FRMPD3: variants seen among roughly 807,000 people sequenced by gnomAD.
FRMPD3 encodes the protein FERM and PDZ domain containing 3.
A neutral mutation model predicts 97.9 loss-of-function variants in FRMPD3; 42 were observed. That is an observed-to-expected ratio of 0.43 (90% CI 0.34 to 0.55). The LOEUF (loss-of-function observed/expected upper bound fraction) is 0.55. Among genes scored for constraint, FRMPD3 ranks in the 20% least tolerant of loss-of-function variants. The probability of loss-of-function intolerance (pLI) is 0.03; values close to 1 mark genes in which losing one functional copy is unlikely to be tolerated. For synonymous variants in FRMPD3, 577 were observed against 581.1 expected (o/e 0.99, Z 0.10); for missense variants, 1,303 against 1,457.7 (o/e 0.89, Z 1.73).
At chrX:107,539,712 C>G (rs1921202563) in intron 4 of FRMPD3, among the ~76,000 whole-genome samples, 1 of 111,587 alleles carries the variant, frequency 9.0e-6, no homozygotes, top group African/African-American at 3.3e-5. Flanking sequence ...TGAACTAATT[C>G]ATTACTAATT....
At chrX:107,586,610 AT>A (rs1212849545) in intron 13 of FRMPD3, among the ~76,000 whole-genome samples, 8 of 111,557 alleles carry the variant, frequency 7.2e-5, no homozygotes, top group African/African-American at 2.6e-4. Flanking sequence ...CCCTCTTAAC[AT>A]TGCTTTAGCT....
chrX:107,578,085 T>C (rs772058719), intron 13 of FRMPD3, among the ~76,000 whole-genome samples: 32 of 111,932 alleles, frequency 2.9e-4, no homozygotes, highest in African/African-American at 9.1e-4. Context: ...ACTTCTGCTC[T>C]TCCTCTCTCT....
At chrX:107,591,465 A>G (rs1923900097) in intron 13 of FRMPD3, among the ~76,000 whole-genome samples, 1 of 112,158 alleles carries the variant, frequency 8.9e-6, no homozygotes, top group African/African-American at 3.2e-5. Context: ...CCTAAGTTGT[A>G]TATTTCTAAG....
At chrX:107,537,266 G>T (rs1923281947) in intron 4 of FRMPD3, among the ~76,000 whole-genome samples, 1 of 111,605 alleles carries the variant, frequency 9.0e-6, no homozygotes, top group African/African-American at 3.3e-5. Context: ...AAACAGCTTT[G>T]CCTGACTAAT....
chrX:107,539,866 T>C (rs959778886), intron 4 of FRMPD3, among the ~76,000 whole-genome samples: 56 of 111,028 alleles, frequency 5.0e-4, no homozygotes, highest in African/African-American at 1.7e-3. Flanking sequence ...AGGAGTACTA[T>C]AGGAAATCCA....
chrX:107,580,120 A>G (rs1923316371), intron 13 of FRMPD3, among the ~76,000 whole-genome samples: 1 of 111,916 alleles, frequency 8.9e-6, no homozygotes, highest in Admixed American at 9.5e-5. Context: ...GTATGTTTAT[A>G]TATATAAAAA....
Position 107,535,670 on chromosome X carries a change from C to T in FRMPD3, c.297+2120C>T, listed in dbSNP as rs764871298. 2.4e-4 allele frequency among the ~76,000 whole-genome samples: 20 copies of T among 84,816 alleles called. No individual in the cohort carries two copies. In the East Asian group the frequency reaches 6.6e-3, roughly 28 times the overall value. 73.7% of individuals were successfully genotyped at this position (84,816 alleles called of 115,157 possible). On this transcript the variant is annotated intron_variant, in intron 4 of 14. Coordinates refer to ENST00000683843, the MANE Select transcript of FRMPD3 (RefSeq NM_001388459.1). ...CCTGGGTGACAGAGCGAGACTCCAT[C>T]TCAAAAAAAAAAAAAAAAAAGGCAA... is the stretch of plus-strand genomic sequence containing the variant.
intron 5 of FRMPD3, among the ~76,000 whole-genome samples, chrX:107,547,940 CA>C (rs1921691353): frequency 9.0e-6 from 1 of 111,720 alleles, no homozygotes; most frequent in Non-Finnish European, 1.9e-5. Flanking sequence ...CAAGGCATCT[CA>C]AGATCAGGGA....
chrX:107,453,178 A>G (rs1313058840), intron 1 of FRMPD3, among the ~76,000 whole-genome samples: 1 of 111,488 alleles, frequency 9.0e-6, no homozygotes, highest in Non-Finnish European at 1.9e-5. Context: ...GAATGAAGCC[A>G]TAAGACACAC....
chrX:107,484,569 G>GCGTCAT (rs1209704845), intron 1 of FRMPD3, among the ~76,000 whole-genome samples: 4 of 112,416 alleles, frequency 3.6e-5, no homozygotes, highest in African/African-American at 6.5e-5. Flanking sequence ...CTGACAAGCT[G>GCGTCAT]CGTCATCGCT....
intron 1 of FRMPD3, among the ~76,000 whole-genome samples, chrX:107,499,750 T>C (rs916225742): frequency 8.9e-6 from 1 of 112,305 alleles, no homozygotes; most frequent in African/African-American, 3.2e-5. Flanking sequence ...GTGCTGTTAT[T>C]GTTACTATGC....
chrX:107,595,606 T>C (rs1924128144), intron 13 of FRMPD3, among the ~76,000 whole-genome samples: 1 of 111,451 alleles, frequency 9.0e-6, no homozygotes, highest in Non-Finnish European at 1.9e-5. Context: ...CTCTGTTTCC[T>C]TGTTGATATT....
At chrX:107,460,975 G>A (rs1335387777) in intron 1 of FRMPD3, among the ~76,000 whole-genome samples, 1 of 111,845 alleles carries the variant, frequency 8.9e-6, no homozygotes, top group African/African-American at 3.3e-5. Flanking sequence ...AAAAAGAGGG[G>A]GTTCTTTAAA....
chrX:107,601,639 C>G lies in FRMPD3; in HGVS notation c.3600C>G (p.Thr1200=). The change falls in exon 15 of 15, where the codon ACC becomes ACG. Residue 1200 remains threonine, a synonymous_variant. Coordinates refer to ENST00000683843, the MANE Select transcript of FRMPD3 (RefSeq NM_001388459.1). ...LETTLNGAHS[T]SEGPAKPKSS... ...CAACTCTCAATGGAGCCCACTCGAC[C>G]TCTGAAGGCCCTGCCAAACCCAAGT... 8.3e-7 allele frequency: 1 copy of G among 1,211,221 alleles called. No individual in the cohort carries two copies. The highest frequency in any genetic ancestry group is 1.8e-5 in the South Asian group (1 of 57,010).
chrX:107,521,741 C>A (rs1436452472), intron 1 of FRMPD3, among the ~76,000 whole-genome samples: 3 of 111,986 alleles, frequency 2.7e-5, no homozygotes, highest in Non-Finnish European at 5.6e-5. Context: ...ATTGGCCCCA[C>A]ATGGTTCCAA....
In FRMPD3 at chrX:107,563,158, A is replaced by G. The variant is rs1180734726; in HGVS notation, c.1074A>G (p.Glu358=). 8.3e-7 allele frequency: 1 copy of G among 1,210,026 alleles called. No individual in the cohort carries two copies. The highest frequency in any genetic ancestry group is 1.8e-5 in the South Asian group (1 of 56,960). The change falls in exon 11 of 15, where the codon GAA becomes GAG. Residue 358 remains glutamate, a synonymous_variant. Coordinates refer to ENST00000683843, the MANE Select transcript of FRMPD3 (RefSeq NM_001388459.1). The part of the protein sequence containing the change: ...AKLQYLRILN[E]LPTFTGVLFN... ...TCCAGTATCTACGAATTCTGAATGA[A>G]CTTCCTACCTTCACGGGCGTTTTGT...
intron 14 of FRMPD3, among the ~76,000 whole-genome samples, chrX:107,598,640 T>TG (rs2147650101): frequency 8.9e-6 from 1 of 112,385 alleles, no homozygotes; most frequent in African/African-American, 3.2e-5. Flanking sequence ...AAGTCCTGGT[T>TG]TCTTCAATCA....
intron 1 of FRMPD3, among the ~76,000 whole-genome samples, chrX:107,487,214 G>A (rs577387850): frequency 7.2e-5 from 8 of 111,020 alleles, no homozygotes; most frequent in African/African-American, 1.3e-4. Flanking sequence ...AGATCGCACC[G>A]CTGCACTCCA....
At position 107,598,004 on chromosome X, in the gene FRMPD3, T is replaced by C. The variant is rs777251861; in HGVS notation, c.2125T>C (p.Leu709=). The change falls in exon 14 of 15, where the codon TTG becomes CTG. Residue 709 remains leucine, a synonymous_variant. Transcript: ENST00000683843. ...TCTGTACGATGAGATTCCAGTGACA[T>C]TGATTGACAGTGTGCAGACCCGGAC... ...GLLYDEIPVT[L]IDSVQTRTVR... is the part of the protein sequence containing the mutation. 4.1e-6 allele frequency: 5 copies of C among 1,208,397 alleles called. No individual in the cohort carries two copies. The highest frequency in any genetic ancestry group is 5.6e-6 in the Non-Finnish European group (5 of 894,963).
Sources: gnomAD v4.1 joint callset for allele counts (sites outside exome capture counted in the v4.1 genomes callset) on GRCh38, gnomAD v4.1.1 for gene constraint, MANE v1.5 for transcripts, NCBI Gene and HGNC (gene_info 2026-07-23, HGNC 2026-07-21) for gene names.